The following LRMDA variants were observed in gnomAD, a reference collection of about 807,000 sequenced individuals.
LRMDA encodes the protein leucine rich melanocyte differentiation associated.
A neutral mutation model predicts 29.8 loss-of-function variants in LRMDA; 18 were observed. The ratio of observed to expected loss-of-function variants is 0.60; its 90% CI spans 0.42 to 0.90. The LOEUF is 0.90. LRMDA is among the 40% of genes least tolerant of loss of function. LRMDA has a pLI of 0.00. For missense variants in LRMDA, 273 were observed against 273.9 expected (o/e 1.00, Z 0.02); for synonymous variants, 125 against 109.4 (o/e 1.14, Z -0.89).
intron 2 of LRMDA, among the ~76,000 whole-genome samples, chr10:75,478,907 C>T (rs970289441): frequency 2.6e-5 from 4 of 152,144 alleles, no homozygotes; most frequent in East Asian, 1.9e-4. Flanking sequence ...CCTCACTCCC[C>T]GCCCTGCCAT....
chr10:76,239,400 G>A (rs1464243499), intron 5 of LRMDA, among the ~76,000 whole-genome samples: 1 of 152,158 alleles, frequency 6.6e-6, no homozygotes, highest in Non-Finnish European at 1.5e-5. Context: ...TCAATACCCA[G>A]TCCATATTCT....
rs71024600 is a variant in LRMDA, at chr10:76,376,865, CTTTTTTTTTTTTTTT to C, written c.601+52404_601+52418del. 7.2e-4 allele frequency among the ~76,000 whole-genome samples: 34 copies of C among 47,382 alleles called. 7 individuals carry two copies. The highest frequency in any genetic ancestry group is 2.6e-3 in the South Asian group (3 of 1,172). 31.1% of individuals were successfully genotyped at this position (47,382 alleles called of 152,430 possible). A position where few individuals can be genotyped will look rare whatever the true frequency, so the allele number is the denominator to read the frequency against. On this transcript the variant is annotated intron_variant, in intron 6 of 6. Transcript: ENST00000611255. The stretch of plus-strand genomic sequence containing the variant: ...AAATGTTTGTTGGGCACTTGGAAGT[CTTTTTTTTTTTTTTT>C]TTTTTTTTTTTTTTTTTTTTTTTGA...
chr10:75,804,895 G>C (rs1038893214), intron 2 of LRMDA, among the ~76,000 whole-genome samples: 4 of 152,234 alleles, frequency 2.6e-5, no homozygotes, highest in Non-Finnish European at 5.9e-5. Flanking sequence ...GGCGGGTTCT[G>C]AGAGGAGTTG....
At chr10:76,427,980 T>G (rs1842147320) in intron 6 of LRMDA, among the ~76,000 whole-genome samples, 1 of 152,196 alleles carries the variant, frequency 6.6e-6, no homozygotes, top group Admixed American at 6.5e-5. Flanking sequence ...GATACGCTTT[T>G]TGATGTGCTC....
chr10:76,060,804 T>C (rs1848690969), intron 5 of LRMDA, among the ~76,000 whole-genome samples: 1 of 152,228 alleles, frequency 6.6e-6, no homozygotes, highest in Non-Finnish European at 1.5e-5. Flanking sequence ...ATTAGCAACA[T>C]CAGCAGAAAT....
At chr10:76,236,325 T>C (rs1364633412) in intron 5 of LRMDA, among the ~76,000 whole-genome samples, 2 of 152,216 alleles carry the variant, frequency 1.3e-5, no homozygotes, top group South Asian at 2.1e-4. Context: ...ATTGTTCCTA[T>C]AGACAGGATT....
At chr10:76,379,790 T>A (rs2132469586) in intron 6 of LRMDA, among the ~76,000 whole-genome samples, 1 of 152,332 alleles carries the variant, frequency 6.6e-6, no homozygotes, top group Non-Finnish European at 1.5e-5. Context: ...TGTAGTTTCT[T>A]GATGCGTGAC....
chr10:76,229,561 A>G (rs1224972676), intron 5 of LRMDA, among the ~76,000 whole-genome samples: 1 of 152,144 alleles, frequency 6.6e-6, no homozygotes, highest in Admixed American at 6.5e-5. Flanking sequence ...CCTTAGTCAG[A>G]TGAGGGAACT....
At chr10:75,779,801 G>A (rs890151939) in intron 2 of LRMDA, among the ~76,000 whole-genome samples, 9 of 152,014 alleles carry the variant, frequency 5.9e-5, no homozygotes, top group Admixed American at 2.0e-4. Flanking sequence ...TTGCATGGGA[G>A]GGGGAGTGAA....
chr10:75,734,796 C>T (rs190534947), intron 2 of LRMDA, among the ~76,000 whole-genome samples: 193 of 152,278 alleles, frequency 1.3e-3, no homozygotes, highest in South Asian at 4.1e-3. Flanking sequence ...GTGGCCAGGA[C>T]TGGGAGAAAA....
At chr10:76,541,230 C>G (rs79892174) in intron 6 of LRMDA, among the ~76,000 whole-genome samples, 4,561 of 152,246 alleles carry the variant, frequency 0.03, 171 homozygotes, top group African/African-American at 0.088. Context: ...GCCGGGAATG[C>G]TGGCTCACGC....
intron 2 of LRMDA, among the ~76,000 whole-genome samples, chr10:75,452,198 C>T (rs374109406): frequency 2.0e-5 from 3 of 152,130 alleles, no homozygotes; most frequent in South Asian, 2.1e-4. Context: ...CAGGATTTGC[C>T]TGGGGTCCTG....
At chr10:75,695,424 G>A (rs757984355) in intron 2 of LRMDA, among the ~76,000 whole-genome samples, 4 of 150,362 alleles carry the variant, frequency 2.7e-5, no homozygotes, top group Non-Finnish European at 4.4e-5. Flanking sequence ...AATCTCATAT[G>A]CATTTGTTTG....
At chr10:75,431,976 A>G (rs1844203982) in intron 1 of LRMDA, among the ~76,000 whole-genome samples, 1 of 152,176 alleles carries the variant, frequency 6.6e-6, no homozygotes, top group South Asian at 2.1e-4. Flanking sequence ...AACACCCGCA[A>G]GGTCTCCCGT....
chr10:76,293,353 G>A (rs948403171), intron 5 of LRMDA, among the ~76,000 whole-genome samples: 1 of 152,146 alleles, frequency 6.6e-6, no homozygotes, highest in African/African-American at 2.4e-5. Context: ...TCTGTAAAAC[G>A]AGAGGGTAAT....
intron 2 of LRMDA, among the ~76,000 whole-genome samples, chr10:75,494,692 G>A (rs951538683): frequency 3.3e-5 from 5 of 151,888 alleles, no homozygotes; most frequent in Non-Finnish European, 5.9e-5. Context: ...GTAGAGATGG[G>A]GTTTCGCCAT....
At chr10:76,340,420 G>A (rs1841025072) in intron 6 of LRMDA, among the ~76,000 whole-genome samples, 1 of 147,842 alleles carries the variant, frequency 6.8e-6, no homozygotes, top group Non-Finnish European at 1.5e-5. Context: ...GGAGGCTGAG[G>A]CATGAGGCTC....
At position 75,506,294 on chromosome 10, in the gene LRMDA, A is replaced by G. The variant is rs1589163532; in HGVS notation, c.131+67800A>G. 2.0e-5 allele frequency among the ~76,000 whole-genome samples: 3 copies of G among 152,170 alleles called. No individual in the cohort carries two copies. The East Asian group carries it at 5.8e-4, about 29-fold the overall frequency. ...TGAGAGGACTTAGAGAAAAGAGAAC[A>G]CATTTGTTCCACTTCCTGCCACTCC... On this transcript the variant is annotated intron_variant, in intron 2 of 6. Coordinates refer to ENST00000611255, the MANE Select transcript of LRMDA (RefSeq NM_001305581.2).
At chr10:76,115,838 G>A (rs1849658920) in intron 5 of LRMDA, among the ~76,000 whole-genome samples, 4 of 152,124 alleles carry the variant, frequency 2.6e-5, no homozygotes, top group Admixed American at 2.6e-4. Flanking sequence ...GACTGGAGTG[G>A]TGAGGGAGAA....
Sources: gnomAD v4.1 joint callset for allele counts (sites outside exome capture counted in the v4.1 genomes callset) on GRCh38, gnomAD v4.1.1 for gene constraint, MANE v1.5 for transcripts, NCBI Gene and HGNC (gene_info 2026-07-23, HGNC 2026-07-21) for gene names.